Variants in PIK3CA observed in about 807,000 individuals in gnomAD.
PIK3CA encodes the protein phosphatidylinositol-4,5-bisphosphate 3-kinase catalytic subunit alpha.
PIK3CA carries 27 observed loss-of-function variants against 138.2 expected under a neutral mutation model. The observed-to-expected ratio is 0.20, with a 90% CI of 0.14 to 0.27. The LOEUF (loss-of-function observed/expected upper bound fraction) is 0.27, where lower values mean the gene tolerates loss of function less well. Among genes scored for constraint, PIK3CA ranks in the 10% least tolerant of loss-of-function variants. The probability of loss-of-function intolerance (pLI) is 1.00; values close to 1 mark genes in which losing one functional copy is unlikely to be tolerated. For synonymous variants in PIK3CA, 358 were observed against 413.2 expected, an observed-to-expected ratio of 0.87 and a Z score of 1.62; for missense variants, 544 against 1,277.4, an observed-to-expected ratio of 0.43 and a Z score of 8.75.
intron 1 of PIK3CA, among the ~76,000 whole-genome samples, chr3:179,194,633 T>A (rs986096078): frequency 2.6e-5 from 4 of 152,172 alleles, no homozygotes; most frequent in African/African-American, 9.7e-5. Flanking sequence ...CTCCACCTGT[T>A]CCCATGCACT....
rs1725193380 is a variant in PIK3CA, at chr3:179,230,825, T to C, written c.2936+449T>C. 6.6e-6 allele frequency among the ~76,000 whole-genome samples: 1 copy of C among 152,168 alleles called. No homozygotes were observed. Among genetic ancestry groups the C allele is most frequent in the African/African-American group, 2.4e-5 (1 of 41,440 alleles). Reference sequence around the variant, plus strand: ...AAAACTATTTTTTGTTTGTTTTTTATTCTATCTTATTTCAATAGCTTTTGG... The same window carrying C: ...AAAACTATTTTTTGTTTGTTTTTTACTCTATCTTATTTCAATAGCTTTTGG... On this transcript the variant is annotated intron_variant, in intron 20 of 20. Coordinates refer to ENST00000263967, the MANE Select transcript of PIK3CA (RefSeq NM_006218.4). The surrounding 1 kb of genome is among the most constrained non-coding windows in gnomAD (Gnocchi z 5.4).
chr3:179,230,323 A>C lies in PIK3CA; in HGVS notation c.2883A>C (p.Leu961Phe). The C allele has an allele frequency of 1.2e-6, 2 of 1,611,748 alleles. No homozygotes were observed. Among genetic ancestry groups the C allele is most frequent in the Non-Finnish European group, 1.7e-6 (2 of 1,178,822 alleles). The change falls in exon 20 of 21, where the codon TTA becomes TTC. Residue 961 changes from leucine (L) to phenylalanine (F), a missense_variant. Physicochemically the swap from Leu to Phe is conservative, Grantham distance 22. Coordinates refer to ENST00000263967, the MANE Select transcript of PIK3CA (RefSeq NM_006218.4). This position sits in a 1 kb window ranked among gnomAD's most constrained non-coding sequence, Gnocchi z 5.4. The part of the protein sequence containing the change: ...RVPFVLTQDF[L>F]IVISKGAQEC... ...CATTTGTTTTGACACAGGATTTCTT[A>C]ATAGTGATTAGTAAAGGAGCCCAAG...
At chr3:179,205,391 G>A (rs1014073667) in intron 6 of PIK3CA, among the ~76,000 whole-genome samples, 9 of 152,156 alleles carry the variant, frequency 5.9e-5, no homozygotes, top group African/African-American at 1.9e-4. Flanking sequence ...GTATCAAAGA[G>A]AGAACAGAGT....
At chr3:179,191,217 G>C (rs1316693458) in intron 1 of PIK3CA, among the ~76,000 whole-genome samples, 1 of 152,164 alleles carries the variant, frequency 6.6e-6, no homozygotes, top group Non-Finnish European at 1.5e-5. Context: ...TTAGTTCAAA[G>C]AACTCATCAT....
Position 179,238,334 on chromosome 3 carries a change from C to T in PIK3CA, c.*3970C>T, listed in dbSNP as rs1186520122. 3 of 213,816 alleles carry T rather than the reference C, an allele frequency of 1.4e-5. No individual in the cohort carries two copies. The highest frequency in any genetic ancestry group is 5.9e-5 in the Admixed American group (1 of 17,028). The allele number at this position is 213,816 out of a possible 1,614,324, so 13.2% of individuals were successfully genotyped here. On this transcript the variant is annotated 3_prime_UTR_variant, in exon 21 of 21. Coordinates refer to ENST00000263967, the MANE Select transcript of PIK3CA (RefSeq NM_006218.4). ...TAAACAATACCATTTTTAATTATTA[C>T]ATTAAAAATTGTAAATATATCTATG...
chr3:179,160,640 T>C lies in PIK3CA; in HGVS notation c.-77+12037T>C, dbSNP rs184111554. On this transcript the variant is annotated intron_variant, in intron 1 of 20. Transcript: ENST00000263967. ...ACGTGTGCACCCCACATGTAAGCCT[T>C]CACCCTTCTTAATTCTATGTATATT... 1.0e-3 allele frequency among the ~76,000 whole-genome samples: 156 copies of C among 152,340 alleles called. 1 individual carries two copies. The highest frequency in any genetic ancestry group is 3.6e-3 in the African/African-American group (148 of 41,574).
chr3:179,234,646 TC>T lies in PIK3CA; in HGVS notation c.*283del. Reference sequence around the variant, plus strand: ...AGGTAAACTTTGAAGATTGTTTGTATCTTTTTTTAAAAAACAAAACAAAACA... The same window carrying T: ...AGGTAAACTTTGAAGATTGTTTGTATTTTTTTTAAAAAACAAAACAAAACA... On this transcript the variant is annotated 3_prime_UTR_variant, in exon 21 of 21. Coordinates refer to ENST00000263967, the MANE Select transcript of PIK3CA (RefSeq NM_006218.4). This position sits in a 1 kb window ranked among gnomAD's most constrained non-coding sequence, Gnocchi z 5.1. 3.5e-6 allele frequency: 1 copy of T among 287,472 alleles called. No individual in the cohort carries two copies. The highest frequency in any genetic ancestry group is 6.4e-6 in the Non-Finnish European group (1 of 155,648). 17.8% of individuals were successfully genotyped at this position (287,472 alleles called of 1,614,324 possible).
rs186055443 is a variant in PIK3CA at position 179,191,127 on chromosome 3, G to A, written c.-76-7623G>A. On this transcript the variant is annotated intron_variant, in intron 1 of 20. Coordinates refer to ENST00000263967, the MANE Select transcript of PIK3CA (RefSeq NM_006218.4). ...CTTGATAAGGGAAACTTCAGAGAAA[G>A]CCCTTTCTTCACTTGAGGAGAGAAG... is the stretch of plus-strand genomic sequence containing the variant. Among the ~76,000 whole-genome samples the A allele has an allele frequency of 2.0e-3, 310 of 152,308 alleles. 2 individuals are homozygous for A. The highest frequency in any genetic ancestry group is 3.4e-3 in the Middle Eastern group (1 of 294).
intron 1 of PIK3CA, among the ~76,000 whole-genome samples, chr3:179,171,479 C>A (rs1310900220): frequency 6.6e-6 from 1 of 151,938 alleles, no homozygotes; most frequent in Non-Finnish European, 1.5e-5. Context: ...AAAGCTGGTT[C>A]TTTAAAGAGT....
rs1371516628 is a variant in PIK3CA at position 179,219,412 on chromosome 3, A to C, written c.1746+135A>C. 2 of 702,442 alleles carry C rather than the reference A, an allele frequency of 2.8e-6. No homozygotes were observed. The highest frequency in any genetic ancestry group is 4.8e-6 in the Non-Finnish European group (2 of 419,636). 43.5% of individuals were successfully genotyped at this position (702,442 alleles called of 1,614,324 possible). A position where few individuals can be genotyped will look rare whatever the true frequency, so the allele number is the denominator to read the frequency against. ...TATAGTGTAGAAAAAAACACCCTTAACATTATTTCCATAGATAAAACTAAT... is the reference window on the plus strand; with the variant it reads ...TATAGTGTAGAAAAAAACACCCTTACCATTATTTCCATAGATAAAACTAAT... On this transcript the variant is annotated intron_variant, in intron 11 of 20. Transcript: ENST00000263967. The surrounding 1 kb of genome is among the most constrained non-coding windows in gnomAD (Gnocchi z 4.2).
At chr3:179,192,844 T>A (rs542122184) in intron 1 of PIK3CA, among the ~76,000 whole-genome samples, 32 of 152,398 alleles carry the variant, frequency 2.1e-4, no homozygotes, top group African/African-American at 7.5e-4. Context: ...AATAGAGTTC[T>A]AATGTAAATA....
Position 179,165,000 on chromosome 3 carries a change from C to A in PIK3CA, c.-77+16397C>A, listed in dbSNP as rs1021239743. On this transcript the variant is annotated intron_variant, in intron 1 of 20. Transcript: ENST00000263967. ...AAATGTCTCTGGATTTTAGCCCCAT[C>A]TTTTCTCATAATCACTGCCTTAGTT... 1.3e-3 allele frequency among the ~76,000 whole-genome samples: 202 copies of A among 152,314 alleles called. 1 individual carries two copies. Among genetic ancestry groups the A allele is most frequent in the African/African-American group, 4.5e-3 (189 of 41,580 alleles).
At chr3:179,218,117 A>G in intron 9 of PIK3CA, 93 bp from the exon 10 acceptor site, 1 of 1,199,910 alleles carries the variant, frequency 8.3e-7, no homozygotes, top group Non-Finnish European at 1.1e-6. Context: ...AAATTTATTG[A>G]AAATGTATTT....
intron 1 of PIK3CA, among the ~76,000 whole-genome samples, chr3:179,157,613 T>C (rs1243351701): frequency 2.6e-5 from 4 of 152,090 alleles, no homozygotes; most frequent in African/African-American, 4.8e-5. Flanking sequence ...CAGACATATA[T>C]GTTTGTTTAC....
chr3:179,206,051 A>T (rs924928149), intron 6 of PIK3CA, among the ~76,000 whole-genome samples: 2 of 151,092 alleles, frequency 1.3e-5, no homozygotes, highest in African/African-American at 4.9e-5. Flanking sequence ...CATTCAGGTC[A>T]GAAATGAGAT....
intron 4 of PIK3CA, among the ~76,000 whole-genome samples, chr3:179,203,274 A>C (rs1295830068): frequency 3.9e-5 from 6 of 152,060 alleles, no homozygotes; most frequent in Admixed American, 3.9e-4. Flanking sequence ...TTTTGCCTCC[A>C]GTTAAGGGTA....
At chr3:179,157,402 A>G (rs1403302497) in intron 1 of PIK3CA, among the ~76,000 whole-genome samples, 1 of 152,182 alleles carries the variant, frequency 6.6e-6, no homozygotes, top group Non-Finnish European at 1.5e-5. Flanking sequence ...AAAACTCAGA[A>G]CAGTTTAAAA....
chr3:179,152,681 G>C (rs2108348199), intron 1 of PIK3CA, among the ~76,000 whole-genome samples: 1 of 152,146 alleles, frequency 6.6e-6, no homozygotes, highest in Non-Finnish European at 1.5e-5. Context: ...CTCATGAGTG[G>C]ACTTATCTGA....
rs1441647481 is a variant in PIK3CA at position 179,219,568 on chromosome 3, C to T, written c.1747-3C>T. ...TATGATTTATTGTCTTTCTCATACA[C>T]AGATGTATTGCTTGGTAAAAGATTG... is the stretch of plus-strand genomic sequence containing the variant. On this transcript the variant is annotated splice_polypyrimidine_tract_variant and splice_region_variant and intron_variant, in intron 11 of 20. Transcript: ENST00000263967. The surrounding 1 kb of genome is among the most constrained non-coding windows in gnomAD (Gnocchi z 4.2). 2 of 1,358,558 alleles carry T rather than the reference C, an allele frequency of 1.5e-6. No individual in the cohort carries two copies. Among genetic ancestry groups the T allele is most frequent in the African/African-American group, 2.9e-5 (2 of 69,548 alleles). 84.2% of individuals were successfully genotyped at this position (1,358,558 alleles called of 1,614,324 possible).
Sources: gnomAD v4.1 joint callset for allele counts (sites outside exome capture counted in the v4.1 genomes callset) on GRCh38, gnomAD v4.1.1 for gene constraint, Gnocchi (gnomAD v3.1) non-coding constraint, MANE v1.5 for transcripts, NCBI Gene and HGNC (gene_info 2026-07-23, HGNC 2026-07-21) for gene names.